The following LOXL1 variants were observed in gnomAD, a reference collection of about 807,000 sequenced individuals.
LOXL1 encodes the protein lysyl oxidase like 1, also known as lysyl oxidase homolog 1.
In LOXL1, 31 loss-of-function variants were observed where a neutral mutation model predicts 62.2. The observed-to-expected ratio is 0.50, with a 90% CI of 0.37 to 0.67. The LOEUF (loss-of-function observed/expected upper bound fraction) is 0.67. LOXL1 is among the 30% of genes least tolerant of loss of function. LOXL1 has a pLI of 0.00. For missense variants in LOXL1, 775 were observed against 843.4 expected (o/e 0.92, Z 1.00); for synonymous variants, 403 against 384.4 (o/e 1.05, Z -0.56).
At position 73,927,744 on chromosome 15, in the gene LOXL1, T is replaced by TA. The variant is rs1222628010; in HGVS notation, c.962dup (p.Tyr321Ter). The TA allele has an allele frequency of 6.9e-7, 1 of 1,455,468 alleles. No homozygotes were observed. Among genetic ancestry groups the TA allele is most frequent in the East Asian group, 3.0e-5 (1 of 33,312 alleles). 90.2% of individuals were successfully genotyped at this position (1,455,468 alleles called of 1,614,324 possible). Residue 321 changes from tyrosine (Y) to a stop codon, truncating the protein, a stop_gained and frameshift_variant, in exon 1 of 7, where the codon TAC (tyrosine) becomes TAAC (stop). Coordinates refer to ENST00000261921, the MANE Select transcript of LOXL1 (RefSeq NM_005576.4). LOFTEE classifies it high-confidence loss of function. ...CTACGCCAACCCGCCGCCCGAGGCG[T>TA]ACGGGCCGCCGCGCGCGCTGGAGCC... ...PPYANPPPEA[Y>*]GPPRALEPPY... is the part of the protein sequence containing the mutation.
chr15:73,950,666 CTCAGGGCTCAGTGTGTGACCAGGA>C (rs1168240997), intron 6 of LOXL1, among the ~76,000 whole-genome samples: 4 of 145,446 alleles, frequency 2.8e-5, no homozygotes, highest in Non-Finnish European at 3.0e-5. Context: ...TGTAGCCAGG[CTCAGGGCTCAGTGTGTGACCAGGA>C]TCAGGGCTCA....
Position 73,927,201 on chromosome 15 carries a change from GC to G in LOXL1, c.421del (p.Arg141GlyfsTer286), listed in dbSNP as rs1312452442. ...GGCCGTCGGGGACAGCACGGGCATG[GC>G]CCGGGCCCGCACCTCCGTCTCCCAG... The part of the protein sequence containing the change: ...EVAVGDSTGM[A>X]RARTSVSQQR... On this transcript the variant is annotated frameshift_variant, in exon 1 of 7. Coordinates refer to ENST00000261921, the MANE Select transcript of LOXL1 (RefSeq NM_005576.4). LOFTEE classifies it high-confidence loss of function. The G allele has an allele frequency of 6.3e-7, 1 of 1,591,534 alleles. No homozygotes were observed. Among genetic ancestry groups the G allele is most frequent in the Non-Finnish European group, 8.5e-7 (1 of 1,174,484 alleles).
rs1400530889 is a variant in LOXL1, at chr15:73,946,430, CCT to C, written c.1226_1227del (p.Pro409ArgfsTer79). On this transcript the variant is annotated frameshift_variant, in exon 3 of 7. Transcript: ENST00000261921. LOFTEE classifies it high-confidence loss of function. ...EKCLASTAYA[P>X]EATDYDVRVL... ...CCGTCCCTGCAGCACAGCCTATGCC[CCT>C]GAGGCCACCGACTACGATGTGCGGG... 2 of 1,612,976 alleles carry C rather than the reference CCT, an allele frequency of 1.2e-6. No individual in the cohort carries two copies. Among genetic ancestry groups the C allele is most frequent in the Non-Finnish European group, 1.7e-6 (2 of 1,179,684 alleles).
At chr15:73,938,084 C>T (rs1215560416) in intron 1 of LOXL1, among the ~76,000 whole-genome samples, 11 of 152,098 alleles carry the variant, frequency 7.2e-5, no homozygotes, top group African/African-American at 1.9e-4. Context: ...GTCAGGAGTT[C>T]GAGACCAGGC....
In LOXL1 at chr15:73,943,421, G is replaced by A. The variant is rs571911058; in HGVS notation, c.1211+459G>A. Among the ~76,000 whole-genome samples, 10 of 152,340 alleles carry A rather than the reference G, an allele frequency of 6.6e-5. No homozygotes were observed. The South Asian group carries it at 1.7e-3, about 25-fold the overall frequency. On this transcript the variant is annotated intron_variant, in intron 2 of 6. Coordinates refer to ENST00000261921, the MANE Select transcript of LOXL1 (RefSeq NM_005576.4). ...CCTGCAGGATAGAGCCCAGGAGTAT[G>A]GAGCCATGTCCACAGAGGACAGTTG...
Position 73,926,951 on chromosome 15 carries a change from C to T in LOXL1, c.168C>T (p.Asn56=), listed in dbSNP as rs1310202098. The change falls in exon 1 of 7, where the codon AAC becomes AAT. Residue 56 remains asparagine (N), a synonymous_variant. Transcript: ENST00000261921. ...ACGGGCAGGTGTACAGCTTGCTCAA[C>T]TCGGGCTCAGAGTACGTGCCGGCCG... ...ENNGQVYSLL[N]SGSEYVPAGP... 7.7e-6 allele frequency: 12 copies of T among 1,555,270 alleles called. No individual in the cohort carries two copies. The East Asian group carries it at 2.9e-4, about 38-fold the overall frequency.
At chr15:73,948,495 TCCTCCACA>T (rs1243992229) in intron 5 of LOXL1, among the ~76,000 whole-genome samples, 1 of 152,112 alleles carries the variant, frequency 6.6e-6, no homozygotes, top group Non-Finnish European at 1.5e-5. Context: ...TGTCTCAGCC[TCCTCCACA>T]CAGGTATAAA....
At position 73,946,459 on chromosome 15, in the gene LOXL1, G is replaced by A; in HGVS notation, c.1254G>A (p.Val418=). The change falls in exon 3 of 7, where the codon GTG becomes GTA. Residue 418 remains valine (V), a synonymous_variant. Transcript: ENST00000261921. ...APEATDYDVR[V]LLRFPQRVKN... is the part of the protein sequence containing the mutation. ...AGGCCACCGACTACGATGTGCGGGT[G>A]CTACTGCGCTTCCCCCAGCGCGTGA... 6.2e-7 allele frequency: 1 copy of A among 1,613,348 alleles called. No individual in the cohort carries two copies. The highest frequency in any genetic ancestry group is 8.5e-7 in the Non-Finnish European group (1 of 1,179,784).
At chr15:73,935,548 A>G (rs2068664628) in intron 1 of LOXL1, among the ~76,000 whole-genome samples, 1 of 150,956 alleles carries the variant, frequency 6.6e-6, no homozygotes, top group African/African-American at 2.4e-5. Context: ...GGAAGCTTCT[A>G]GAGGTGGGGT....
In LOXL1 at chr15:73,947,103, C is replaced by A; in HGVS notation, c.1386C>A (p.Asp462Glu). 1.2e-6 allele frequency: 2 copies of A among 1,612,916 alleles called. No individual in the cohort carries two copies. The highest frequency in any genetic ancestry group is 1.7e-6 in the Non-Finnish European group (2 of 1,179,052). The change falls in exon 4 of 7, where the codon GAC becomes GAA. Residue 462 changes from aspartate (D) to glutamate (E), a missense_variant. Coordinates refer to ENST00000261921, the MANE Select transcript of LOXL1 (RefSeq NM_005576.4). ...YHSMDEFSHY[D>E]LLDAATGKKV... ...GCATGGACGAGTTCAGCCACTACGA[C>A]CTACTGGATGCAGCCACAGGCAAGA... is the stretch of plus-strand genomic sequence containing the variant.
chr15:73,948,934 C>T (rs2068765524), intron 5 of LOXL1, among the ~76,000 whole-genome samples: 1 of 152,202 alleles, frequency 6.6e-6, no homozygotes, highest in South Asian at 2.1e-4. Flanking sequence ...CCTAGTTAAT[C>T]CAACATTTAA....
At position 73,926,876 on chromosome 15, in the gene LOXL1, G is replaced by A. The variant is rs556999748; in HGVS notation, c.93G>A (p.Gly31=). The A allele has an allele frequency of 2.4e-5, 37 of 1,556,582 alleles. No homozygotes were observed. Among genetic ancestry groups the A allele is most frequent in the Non-Finnish European group, 3.0e-5 (35 of 1,150,796 alleles). The change falls in exon 1 of 7, where the codon GGG becomes GGA. Residue 31 remains glycine, a synonymous_variant. Coordinates refer to ENST00000261921, the MANE Select transcript of LOXL1 (RefSeq NM_005576.4). ...VLVHGQQAQP[G]QGSDPARWRQ... ...TGCACGGGCAGCAGGCGCAGCCCGGGCAGGGCTCGGACCCCGCCCGCTGGC... is the reference window on the plus strand; with the variant it reads ...TGCACGGGCAGCAGGCGCAGCCCGGACAGGGCTCGGACCCCGCCCGCTGGC...
Position 73,927,469 on chromosome 15 carries a change from A to C in LOXL1, c.686A>C (p.Gln229Pro), listed in dbSNP as rs1456675369. Residue 229 changes from glutamine (Q) to proline (P), a missense_variant, in exon 1 of 7, where the codon CAG becomes CCG. Coordinates refer to ENST00000261921, the MANE Select transcript of LOXL1 (RefSeq NM_005576.4). ...TCGGCGGGGGTCATCTACCCCTACC[A>C]GCCCCGGGCGCGCTACGAGGAGTAC... is the stretch of plus-strand genomic sequence containing the variant. ...VASAGVIYPY[Q>P]PRARYEEYGG... 4 of 1,445,900 alleles carry C rather than the reference A, an allele frequency of 2.8e-6. No individual in the cohort carries two copies. Among genetic ancestry groups the C allele is most frequent in the Non-Finnish European group, 3.6e-6 (4 of 1,103,002 alleles). 89.6% of individuals were successfully genotyped at this position (1,445,900 alleles called of 1,614,324 possible).
intron 1 of LOXL1, 55 bp downstream of exon 1, chr15:73,927,940 T>A: frequency 7.8e-6 from 10 of 1,275,886 alleles, no homozygotes; most frequent in Non-Finnish European, 9.9e-6. Context: ...CACTGGAAAC[T>A]GCTCCGGGCC....
rs2068792137 is a variant in LOXL1, at chr15:73,952,084, T to G, written c.*247T>G. 4.4e-4 allele frequency: 154 copies of G among 351,344 alleles called. No homozygotes were observed. Among genetic ancestry groups the G allele is most frequent in the East Asian group, 7.3e-4 (17 of 23,422 alleles). The allele number at this position is 351,344 out of a possible 1,614,324, so 21.8% of individuals were successfully genotyped here. A position where few individuals can be genotyped will look rare whatever the true frequency, so the allele number is the denominator to read the frequency against. On this transcript the variant is annotated 3_prime_UTR_variant, in exon 7 of 7. Transcript: ENST00000261921. Reference sequence around the variant, plus strand: ...GTTTTTATTTTTTATACTTTGGCCATACCACAGAGCTAGATTGCCCAGGTC... The same window carrying G: ...GTTTTTATTTTTTATACTTTGGCCAGACCACAGAGCTAGATTGCCCAGGTC...
intron 1 of LOXL1, among the ~76,000 whole-genome samples, chr15:73,931,282 A>C (rs2415204): frequency 0.29 from 44,371 of 151,616 alleles, 6,975 homozygotes; most frequent in East Asian, 0.55. Flanking sequence ...CTGACTTCAC[A>C]TGGCCAATCA....
At chr15:73,949,658 C>T in intron 6 of LOXL1, 84 bp downstream of exon 6, 2 of 905,858 alleles carry the variant, frequency 2.2e-6, no homozygotes, top group Non-Finnish European at 3.7e-6. Flanking sequence ...ACCTAAGATA[C>T]CTGCACTTTA....
At chr15:73,947,421 A>G in intron 4 of LOXL1, 198 bp downstream of exon 4, 1 of 547,492 alleles carries the variant, frequency 1.8e-6, no homozygotes, top group East Asian at 3.0e-5. Flanking sequence ...CCCCTTTCCC[A>G]TGTTATTCCA....
Position 73,927,764 on chromosome 15 carries a change from G to A in LOXL1, c.981G>A (p.Leu327=). 1 of 1,443,532 alleles carries A rather than the reference G, an allele frequency of 6.9e-7. No homozygotes were observed. Among genetic ancestry groups the A allele is most frequent in the Non-Finnish European group, 9.1e-7 (1 of 1,104,284 alleles). The allele number at this position is 1,443,532 out of a possible 1,614,324, so 89.4% of individuals were successfully genotyped here. Residue 327 remains leucine, a synonymous_variant, in exon 1 of 7, where the codon CTG becomes CTA. Coordinates refer to ENST00000261921, the MANE Select transcript of LOXL1 (RefSeq NM_005576.4). ...PPEAYGPPRA[L]EPPYLPVRSS... is the part of the protein sequence containing the mutation. ...AGGCGTACGGGCCGCCGCGCGCGCTGGAGCCGCCCTACCTGCCGGTGCGCA... is the reference window on the plus strand; with the variant it reads ...AGGCGTACGGGCCGCCGCGCGCGCTAGAGCCGCCCTACCTGCCGGTGCGCA...
Sources: gnomAD v4.1 joint callset for allele counts (sites outside exome capture counted in the v4.1 genomes callset) on GRCh38, gnomAD v4.1.1 for gene constraint, MANE v1.5 for transcripts, NCBI Gene and HGNC (gene_info 2026-07-23, HGNC 2026-07-21) for gene names.